LARP4B: variants seen among roughly 807,000 people sequenced by gnomAD.
The protein encoded by LARP4B is La ribonucleoprotein 4B.
Under a neutral mutation model 89.8 loss-of-function variants are expected in LARP4B, and 12 were observed. The ratio of observed to expected loss-of-function variants is 0.13; its 90% CI spans 0.09 to 0.22. The LOEUF is 0.22. Ranked by LOEUF, LARP4B falls within the 10% of genes least tolerant of loss-of-function variation. The pLI is 1.00. For missense variants in LARP4B, 757 were observed against 947.7 expected (o/e 0.80, Z 2.64); for synonymous variants, 367 against 363.3 (o/e 1.01, Z -0.12).
chr10:901,109 C>T (rs1179286345), intron 1 of LARP4B, among the ~76,000 whole-genome samples: 1 of 119,702 alleles, frequency 8.4e-6, no homozygotes, highest in Non-Finnish European at 1.8e-5. Flanking sequence ...TTAGTAGAGA[C>T]GAGGTTTCAC....
intron 3 of LARP4B, among the ~76,000 whole-genome samples, chr10:870,835 A>G (rs572263168): frequency 1.3e-5 from 2 of 152,358 alleles, no homozygotes; most frequent in Non-Finnish European, 2.9e-5. Flanking sequence ...CACCACTAAC[A>G]GAATTCTCTA....
intron 8 of LARP4B, 54 bp from the exon 9 acceptor site, chr10:831,031 C>A: frequency 1.3e-6 from 1 of 747,284 alleles, no homozygotes; most frequent in Non-Finnish European, 2.2e-6. Flanking sequence ...AGTTTTTGTC[C>A]TCACCAAAAA....
chr10:886,326 G>A (rs951573256), intron 1 of LARP4B, among the ~76,000 whole-genome samples: 3 of 152,308 alleles, frequency 2.0e-5, no homozygotes, highest in East Asian at 1.9e-4. Context: ...ATAACAGGGC[G>A]TGGAAGAAAC....
chr10:957,049 C>G, the LARP4B span, among the ~76,000 whole-genome samples: 1 of 152,328 alleles, frequency 6.6e-6, no homozygotes, highest in African/African-American at 2.4e-5. Context: ...AGCAAAGCCT[C>G]AAATCCCAAA....
At chr10:870,008 C>T in intron 3 of LARP4B, 1 of 976,676 alleles carries the variant, frequency 1.0e-6, no homozygotes, top group Non-Finnish European at 1.2e-6. Flanking sequence ...AGAAAACATA[C>T]TTACGAACTG....
At chr10:914,733 G>A (rs989355207) in intron 1 of LARP4B, among the ~76,000 whole-genome samples, 3 of 151,010 alleles carry the variant, frequency 2.0e-5, no homozygotes, top group Non-Finnish European at 4.4e-5. Context: ...CCCGGGAGGC[G>A]GACGTTGCAG....
At chr10:819,238 G>A (rs1283178383) in intron 14 of LARP4B, 1 of 152,222 alleles carries the variant, frequency 6.6e-6, no homozygotes, top group Non-Finnish European at 1.5e-5. Flanking sequence ...TTATTAGAGA[G>A]ACAGCCTTCC....
chr10:857,995 T>C (rs942057505), intron 5 of LARP4B, among the ~76,000 whole-genome samples: 1 of 152,158 alleles, frequency 6.6e-6, no homozygotes, highest in South Asian at 2.1e-4. Context: ...AGCCAATTTC[T>C]AGAAAGACCC....
intron 1 of LARP4B, among the ~76,000 whole-genome samples, chr10:930,877 G>A (rs1179975599): frequency 1.3e-5 from 2 of 151,524 alleles, no homozygotes; most frequent in Non-Finnish European, 1.5e-5. Flanking sequence ...TCCGGGCTCC[G>A]GCGGGACCGA....
At chr10:968,114 T>G in the LARP4B span, among the ~76,000 whole-genome samples, 1 of 152,198 alleles carries the variant, frequency 6.6e-6, no homozygotes, top group African/African-American at 2.4e-5. Context: ...GATAAAAGAT[T>G]GGATTCAATT....
chr10:944,609 A>C, the LARP4B span, among the ~76,000 whole-genome samples: 1 of 152,250 alleles, frequency 6.6e-6, no homozygotes, highest in Non-Finnish European at 1.5e-5. Flanking sequence ...TGCCAGCGCC[A>C]GTGCCAGGGC....
At position 820,808 on chromosome 10, in the gene LARP4B, TCTC is replaced by T. The variant is rs1319204000; in HGVS notation, c.1519_1521del (p.Glu507del). The T allele has an allele frequency of 1.3e-5, 21 of 1,613,322 alleles. No homozygotes were observed. The highest frequency in any genetic ancestry group is 1.7e-5 in the Admixed American group (1 of 59,984). ...ATGCTTTATGTACTCACTGTAAACT[TCTC>T]CTCCCTTTTCTTCCGGTAGCCAAAG... On this transcript the variant is annotated inframe_deletion, in exon 14 of 18. Transcript: ENST00000316157.
the LARP4B span, among the ~76,000 whole-genome samples, chr10:957,562 CTTATT>C: frequency 1.3e-5 from 2 of 152,000 alleles, no homozygotes; most frequent in Non-Finnish European, 2.9e-5. Context: ...AGCTGGTGTT[CTTATT>C]TTATTGTTAG....
chr10:960,804 A>AGGGACCCCTTAGAGCATTG, the LARP4B span, among the ~76,000 whole-genome samples: 484 of 151,656 alleles, frequency 3.2e-3, 1 homozygote, highest in Non-Finnish European at 5.8e-3. Context: ...GGTTAATTTC[A>AGGGACCCCTTAGAGCATTG]GGGACCCCTT....
chr10:837,028 G>C (rs1357805390), intron 7 of LARP4B, among the ~76,000 whole-genome samples: 3 of 152,170 alleles, frequency 2.0e-5, no homozygotes, highest in Non-Finnish European at 4.4e-5. Flanking sequence ...TCACAATTAG[G>C]GCTCAGAGGT....
chr10:922,237 C>T (rs540052890), intron 1 of LARP4B, among the ~76,000 whole-genome samples: 6 of 152,338 alleles, frequency 3.9e-5, no homozygotes, highest in Admixed American at 3.9e-4. Flanking sequence ...AGCGCAACTG[C>T]TCATCTGAGA....
At chr10:906,256 A>T (rs1348355267) in intron 1 of LARP4B, among the ~76,000 whole-genome samples, 1 of 152,196 alleles carries the variant, frequency 6.6e-6, no homozygotes, top group African/African-American at 2.4e-5. Context: ...CCTTATTTTC[A>T]TATCTAATTC....
chr10:931,130 G>A (rs1375107614), intron 1 of LARP4B, among the ~76,000 whole-genome samples: 1 of 148,474 alleles, frequency 6.7e-6, no homozygotes, highest in Non-Finnish European at 1.5e-5. Context: ...CCCCTGCCCC[G>A]GCCTCGGCCA....
chr10:922,675 T>TTAAATAAATAAA (rs370807617), intron 1 of LARP4B, among the ~76,000 whole-genome samples: 550 of 146,268 alleles, frequency 3.8e-3, no homozygotes, highest in African/African-American at 6.2e-3. Flanking sequence ...ACCCCGTCTG[T>TTAAATAAATAAA]TAAATAAATA....
Sources: allele counts gnomAD v4.1 joint callset (sites outside exome capture counted in the v4.1 genomes callset), GRCh38; gene constraint gnomAD v4.1.1; transcripts MANE v1.5; gene names NCBI Gene and HGNC (gene_info 2026-07-23, HGNC 2026-07-21).